ASXL2: variants seen among roughly 807,000 people sequenced by gnomAD.
ASXL2 encodes ASXL transcriptional regulator 2.
Under a neutral mutation model 122.0 loss-of-function variants are expected in ASXL2, and 23 were observed. That is an observed-to-expected ratio of 0.19 (90% CI 0.14 to 0.27). ASXL2 has a LOEUF of 0.27. Among genes scored for constraint, ASXL2 ranks in the 10% least tolerant of loss-of-function variants. The pLI is 1.00. For synonymous variants in ASXL2, 650 were observed against 637.0 expected, an observed-to-expected ratio of 1.02 and a Z score of -0.31; for missense variants, 1,518 against 1,713.8, an observed-to-expected ratio of 0.89 and a Z score of 2.02.
At chr2:25,818,704 A>AAT (rs927425509) in intron 3 of ASXL2, among the ~76,000 whole-genome samples, 35 of 152,040 alleles carry the variant, frequency 2.3e-4, no homozygotes, top group South Asian at 1.0e-3. Context: ...TCCAACAAAA[A>AAT]ATATATATAT....
intron 3 of ASXL2, among the ~76,000 whole-genome samples, chr2:25,811,990 TG>T (rs752724494): frequency 6.6e-6 from 1 of 151,890 alleles, no homozygotes; most frequent in Admixed American, 6.6e-5. Context: ...TGACCTCAAG[TG>T]ATCCACACGC....
intron 1 of ASXL2, among the ~76,000 whole-genome samples, chr2:25,860,035 T>C (rs1476557153): frequency 6.6e-6 from 1 of 151,958 alleles, no homozygotes; most frequent in African/African-American, 2.4e-5. Flanking sequence ...TAAAATAAAA[T>C]AAATGCTCAG....
At chr2:25,796,751 C>T (rs528691223) in intron 5 of ASXL2, among the ~76,000 whole-genome samples, 2 of 152,310 alleles carry the variant, frequency 1.3e-5, no homozygotes, top group East Asian at 3.9e-4. Flanking sequence ...TCCTAAAAGG[C>T]TATGGATGAC....
At chr2:25,843,697 G>A (rs1040734075) in intron 2 of ASXL2, among the ~76,000 whole-genome samples, 6 of 151,576 alleles carry the variant, frequency 4.0e-5, no homozygotes, top group East Asian at 1.9e-4. Flanking sequence ...CCAGCTTCAG[G>A]AGGCAGAGAT....
At chr2:25,783,910 C>A (rs1027521882) in intron 5 of ASXL2, among the ~76,000 whole-genome samples, 1 of 151,874 alleles carries the variant, frequency 6.6e-6, no homozygotes, top group African/African-American at 2.4e-5. Context: ...AAAAATTAGT[C>A]GGGCGTGGTG....
intron 8 of ASXL2, among the ~76,000 whole-genome samples, chr2:25,765,469 C>T (rs556395777): frequency 1.3e-5 from 2 of 151,456 alleles, no homozygotes; most frequent in Admixed American, 1.3e-4. Context: ...GGCAACAGAG[C>T]GCGACTCCCT....
intron 5 of ASXL2, among the ~76,000 whole-genome samples, chr2:25,787,350 C>T (rs559335219): frequency 6.6e-6 from 1 of 152,210 alleles, no homozygotes; most frequent in Admixed American, 6.5e-5. Context: ...TGCAAACCCA[C>T]TGCAGGAATA....
chr2:25,824,222 T>C (rs1295985269), intron 3 of ASXL2, among the ~76,000 whole-genome samples: 2 of 151,870 alleles, frequency 1.3e-5, no homozygotes, highest in Non-Finnish European at 1.5e-5. Context: ...AAAATACAAA[T>C]ATAAAATCAA....
Position 25,744,938 on chromosome 2 carries a change from CACA to C in ASXL2, c.1861-465_1861-463del, listed in dbSNP as rs1216085568. ...AAAATACTTGCTCTTCTCTGTTCCA[CACA>C]CACACACACACACACACACACACAC... On this transcript the variant is annotated intron_variant, in intron 12 of 12. Coordinates refer to ENST00000435504, the MANE Select transcript of ASXL2 (RefSeq NM_018263.6). The surrounding 1 kb of genome is among the most constrained non-coding windows in gnomAD (Gnocchi z 4.7). 1.1e-4 allele frequency among the ~76,000 whole-genome samples: 3 copies of C among 26,486 alleles called. No individual in the cohort carries two copies. Among genetic ancestry groups the C allele is most frequent in the South Asian group, 1.2e-3 (1 of 848 alleles). 17.4% of individuals were successfully genotyped at this position (26,486 alleles called of 152,430 possible).
chr2:25,762,955 T>C (rs1053729804), intron 8 of ASXL2, among the ~76,000 whole-genome samples: 2 of 152,102 alleles, frequency 1.3e-5, no homozygotes, highest in African/African-American at 4.8e-5. Context: ...TAACATCGAA[T>C]GAAAGATACT....
At chr2:25,786,533 C>T (rs1208371968) in intron 5 of ASXL2, among the ~76,000 whole-genome samples, 1 of 152,054 alleles carries the variant, frequency 6.6e-6, no homozygotes, top group Non-Finnish European at 1.5e-5. Flanking sequence ...GCCACCACGC[C>T]CGGCCCACAT....
rs563257783 is a variant in ASXL2, at chr2:25,781,794, G to A, written c.404-10254C>T. Among the ~76,000 whole-genome samples the A allele has an allele frequency of 9.9e-5, 15 of 150,762 alleles. No homozygotes were observed. In the East Asian group the frequency reaches 1.8e-3, roughly 18 times the overall value. On this transcript the variant is annotated intron_variant, in intron 5 of 12. Transcript: ENST00000435504. ...AGCGATTCTTCTGCTTCAGCCTCCC[G>A]AGCAGCTGGGACTACAGGCGCGTGC...
intron 2 of ASXL2, among the ~76,000 whole-genome samples, chr2:25,840,828 T>G (rs893575453): frequency 1.3e-5 from 2 of 152,216 alleles, no homozygotes; most frequent in Non-Finnish European, 2.9e-5. Flanking sequence ...AAAAATGGTA[T>G]TGAATCTAGG....
chr2:25,811,455 C>T (rs1471409827), intron 3 of ASXL2, among the ~76,000 whole-genome samples: 5 of 151,662 alleles, frequency 3.3e-5, no homozygotes, highest in African/African-American at 1.2e-4. Flanking sequence ...AACTGCAAAA[C>T]ATACGGCAGA....
chr2:25,743,469 C>T lies in ASXL2; in HGVS notation c.2868G>A (p.Leu956=). The T allele has an allele frequency of 6.2e-7, 1 of 1,613,866 alleles. No homozygotes were observed. The change falls in exon 13 of 13, where the codon CTG becomes CTA. Residue 956 remains leucine (L), a synonymous_variant. Coordinates refer to ENST00000435504, the MANE Select transcript of ASXL2 (RefSeq NM_018263.6). The part of the protein sequence containing the change: ...IPANNPLVTQ[L]LQGKDVPMEQ... ...CCATGGGAACATCTTTGCCTTGAAG[C>T]AGCTGAGTCACTAAAGGATTATTAG...
rs780366879 is a variant in ASXL2 at position 25,735,345 on chromosome 2, A to G, written c.*6684T>C. On this transcript the variant is annotated 3_prime_UTR_variant, in exon 13 of 13. Transcript: ENST00000435504. ...GGTTCCTGGACAGAGACTACGTTACATAGTGGAATACACCAAATTCTTCTT... is the reference window on the plus strand; with the variant it reads ...GGTTCCTGGACAGAGACTACGTTACGTAGTGGAATACACCAAATTCTTCTT... 3 of 152,258 alleles carry G rather than the reference A, an allele frequency of 2.0e-5. No individual in the cohort carries two copies. Among genetic ancestry groups the G allele is most frequent in the African/African-American group, 7.2e-5 (3 of 41,474 alleles). 9.4% of individuals were successfully genotyped at this position (152,258 alleles called of 1,614,324 possible). A position where few individuals can be genotyped will look rare whatever the true frequency, so the allele number is the denominator to read the frequency against.
At chr2:25,826,819 C>T (rs933538679) in intron 3 of ASXL2, among the ~76,000 whole-genome samples, 14 of 143,618 alleles carry the variant, frequency 9.7e-5, no homozygotes, top group Non-Finnish European at 1.7e-4. Flanking sequence ...AATGCCCTCA[C>T]TTCAAGTCGA....
Position 25,750,388 on chromosome 2 carries a change from T to C in ASXL2, c.1168A>G (p.Lys390Glu), listed in dbSNP as rs1318161286. ...TCACTGGGAGAAGCTGTCAATTTCT[T>C]AGAATCTTCAAGGCTCAGGCCAGAA... ...QSSGLSLEDS[K>E]KLTASPSDPK... The change falls in exon 12 of 13, where the codon AAG (lysine) becomes GAG (glutamate). Residue 390 changes from lysine (K) to glutamate (E), a missense_variant. Transcript: ENST00000435504. 3 of 1,607,454 alleles carry C rather than the reference T, an allele frequency of 1.9e-6. No individual in the cohort carries two copies. Among genetic ancestry groups the C allele is most frequent in the Non-Finnish European group, 2.5e-6 (3 of 1,178,274 alleles).
At chr2:25,750,913 C>T (rs1487504103) in intron 11 of ASXL2, among the ~76,000 whole-genome samples, 1 of 152,060 alleles carries the variant, frequency 6.6e-6, no homozygotes, top group Non-Finnish European at 1.5e-5. Context: ...AAACCCAGGC[C>T]CAAAAAATCT....
Sources: allele counts gnomAD v4.1 joint callset (sites outside exome capture counted in the v4.1 genomes callset), GRCh38; gene constraint gnomAD v4.1.1; non-coding constraint Gnocchi (gnomAD v3.1); transcripts MANE v1.5; gene names NCBI Gene and HGNC (gene_info 2026-07-23, HGNC 2026-07-21).